Variants in MOB1B observed in about 807,000 individuals in gnomAD.
The protein encoded by MOB1B is MOB1 Mps One Binder homolog B.
In MOB1B, 19 loss-of-function variants were observed where a neutral mutation model predicts 24.4. The observed-to-expected ratio is 0.78, with a 90% CI of 0.54 to 1.14. The LOEUF (loss-of-function observed/expected upper bound fraction) is 1.14, where lower values mean the gene tolerates loss of function less well. MOB1B is among the 50% of genes most tolerant of loss of function. MOB1B has a pLI of 0.00. For missense variants in MOB1B, 243 were observed against 259.6 expected (o/e 0.94, Z 0.44); for synonymous variants, 76 against 82.1 (o/e 0.93, Z 0.40).
rs534646530 is a variant in MOB1B at position 70,946,052 on chromosome 4, A to G, written c.15-12822A>G. Among the ~76,000 whole-genome samples the G allele has an allele frequency of 2.1e-4, 31 of 150,334 alleles. No homozygotes were observed. The South Asian group carries it at 4.4e-3, about 21-fold the overall frequency. Reference sequence around the variant, plus strand: ...ATTGCATTGAATGTCTTTTGCAGGCAAATGCTTTGGCTAAGCTGGTTTTTG... The same window carrying G: ...ATTGCATTGAATGTCTTTTGCAGGCGAATGCTTTGGCTAAGCTGGTTTTTG... On this transcript the variant is annotated intron_variant, in intron 1 of 5. Coordinates refer to ENST00000309395, the MANE Select transcript of MOB1B (RefSeq NM_173468.4).
At chr4:70,959,633 TACC>T (rs999639727) in intron 2 of MOB1B, among the ~76,000 whole-genome samples, 1 of 152,232 alleles carries the variant, frequency 6.6e-6, no homozygotes, top group Non-Finnish European at 1.5e-5. Flanking sequence ...TGTATAGACA[TACC>T]ACTCTCCTTT....
intron 1 of MOB1B, among the ~76,000 whole-genome samples, chr4:70,946,297 G>T (rs1471253240): frequency 1.3e-5 from 2 of 151,896 alleles, no homozygotes; most frequent in African/African-American, 4.8e-5. Flanking sequence ...ATGGCTCCTC[G>T]CAATAAGAAT....
chr4:70,958,755 A>G, intron 1 of MOB1B, 119 bp from the exon 2 acceptor site: 1 of 962,478 alleles, frequency 1.0e-6, no homozygotes, highest in Non-Finnish European at 1.7e-6. Flanking sequence ...CACAGTAGTT[A>G]CAGCAATTCT....
At chr4:70,906,262 C>T (rs1735744264) in intron 1 of MOB1B, among the ~76,000 whole-genome samples, 1 of 152,004 alleles carries the variant, frequency 6.6e-6, no homozygotes, top group Admixed American at 6.6e-5. Context: ...CCTATAATCC[C>T]AGTTACATGG....
At chr4:70,972,747 A>G (rs1738810390) in intron 3 of MOB1B, among the ~76,000 whole-genome samples, 1 of 150,508 alleles carries the variant, frequency 6.6e-6, no homozygotes, top group Non-Finnish European at 1.5e-5. Context: ...TAAAGGTCTA[A>G]GCAATACACA....
intron 1 of MOB1B, among the ~76,000 whole-genome samples, chr4:70,945,662 T>G (rs1249305605): frequency 3.9e-5 from 6 of 152,232 alleles, no homozygotes; most frequent in Non-Finnish European, 8.8e-5. Flanking sequence ...GACCTAGGCC[T>G]TGTGATAGGT....
At chr4:70,977,884 G>A (rs1739064387) in intron 4 of MOB1B, among the ~76,000 whole-genome samples, 1 of 152,040 alleles carries the variant, frequency 6.6e-6, no homozygotes, top group African/African-American at 2.4e-5. Context: ...GAGGCAAGGA[G>A]CCACTATGTT....
chr4:70,912,553 C>A (rs1277981834), intron 1 of MOB1B, among the ~76,000 whole-genome samples: 1 of 152,152 alleles, frequency 6.6e-6, no homozygotes, highest in Non-Finnish European at 1.5e-5. Flanking sequence ...GCTGAGATTA[C>A]AGGTGTGAGC....
At chr4:70,975,762 T>C in intron 4 of MOB1B, 2 of 972,622 alleles carry the variant, frequency 2.1e-6, no homozygotes, top group Non-Finnish European at 2.4e-6. Flanking sequence ...TTATTCCTAT[T>C]CTAGGAACCA....
At chr4:70,974,361 C>G (rs1159759958) in intron 3 of MOB1B, among the ~76,000 whole-genome samples, 1 of 152,132 alleles carries the variant, frequency 6.6e-6, no homozygotes, top group Non-Finnish European at 1.5e-5. Flanking sequence ...GCCTCGGCCT[C>G]CTGAAGTGCT....
At chr4:70,972,014 T>G (rs1441555106) in intron 3 of MOB1B, among the ~76,000 whole-genome samples, 1 of 151,862 alleles carries the variant, frequency 6.6e-6, no homozygotes, top group African/African-American at 2.4e-5. Context: ...CTCCCTTTTT[T>G]TTTTTGGGGA....
At chr4:70,962,352 A>C (rs1738339238) in intron 2 of MOB1B, among the ~76,000 whole-genome samples, 1 of 152,258 alleles carries the variant, frequency 6.6e-6, no homozygotes, top group Admixed American at 6.5e-5. Context: ...AATGGAACAC[A>C]GAAAAATCTA....
At chr4:70,929,990 A>C (rs1035472616) in intron 1 of MOB1B, among the ~76,000 whole-genome samples, 15 of 152,000 alleles carry the variant, frequency 9.9e-5, no homozygotes, top group Non-Finnish European at 2.1e-4. Flanking sequence ...CCTGGGCTTG[A>C]GCAATTCACC....
intron 1 of MOB1B, 60 bp downstream of exon 1, chr4:70,902,610 C>T (rs1735558318): frequency 2.7e-6 from 4 of 1,459,218 alleles, no homozygotes; most frequent in Non-Finnish European, 2.7e-6. Context: ...CCCCCGCCCG[C>T]CGCCCGCCGC....
chr4:70,908,924 G>A (rs1318152344), intron 1 of MOB1B, among the ~76,000 whole-genome samples: 9 of 151,438 alleles, frequency 5.9e-5, no homozygotes, highest in Admixed American at 4.6e-4. Flanking sequence ...AGTGGCGGGC[G>A]CCTGTAATCC....
rs148143766 is a variant in MOB1B, at chr4:70,956,970, G to C, written c.15-1904G>C. Among the ~76,000 whole-genome samples the C allele has an allele frequency of 1.9e-3, 292 of 152,170 alleles. 1 individual carries two copies. Among genetic ancestry groups the C allele is most frequent in the African/African-American group, 6.7e-3 (279 of 41,522 alleles). Reference sequence around the variant, plus strand: ...CAGCTCCTCAGATGATTATAGTAATGCAGCCAGGGGTTGAGAACTACTGGT... The same window carrying C: ...CAGCTCCTCAGATGATTATAGTAATCCAGCCAGGGGTTGAGAACTACTGGT... On this transcript the variant is annotated intron_variant, in intron 1 of 5. Coordinates refer to ENST00000309395, the MANE Select transcript of MOB1B (RefSeq NM_173468.4).
chr4:70,956,888 A>G (rs1206892905), intron 1 of MOB1B, among the ~76,000 whole-genome samples: 1 of 152,154 alleles, frequency 6.6e-6, no homozygotes, highest in African/African-American at 2.4e-5. Context: ...CTTGAATTGT[A>G]TATTCAGGTT....
chr4:70,923,587 GTAGT>G (rs1736525108), intron 1 of MOB1B, among the ~76,000 whole-genome samples: 1 of 152,072 alleles, frequency 6.6e-6, no homozygotes, highest in Admixed American at 6.5e-5. Context: ...TAATAGTTTA[GTAGT>G]TATAGTATTA....
chr4:70,937,096 T>C (rs1402050865), intron 1 of MOB1B, among the ~76,000 whole-genome samples: 2 of 152,044 alleles, frequency 1.3e-5, no homozygotes, highest in African/African-American at 4.8e-5. Context: ...TTTTGTATTT[T>C]TAGTAGAGAC....
Sources: gnomAD v4.1 joint callset for allele counts (sites outside exome capture counted in the v4.1 genomes callset) on GRCh38, gnomAD v4.1.1 for gene constraint, MANE v1.5 for transcripts, NCBI Gene and HGNC (gene_info 2026-07-23, HGNC 2026-07-21) for gene names.